The following PCDHGA7 variants were observed in gnomAD, a reference collection of about 807,000 sequenced individuals.
PCDHGA7 encodes protocadherin gamma subfamily A, 7, also known as protocadherin gamma-A7.
A neutral mutation model predicts 58.3 loss-of-function variants in PCDHGA7; 44 were observed. The observed-to-expected ratio is 0.75, with a 90% CI of 0.59 to 0.97. The LOEUF is 0.97. Among genes scored for constraint, PCDHGA7 ranks in the 50% least tolerant of loss-of-function variants. The pLI, the probability that PCDHGA7 is intolerant of heterozygous loss-of-function variation, is 0.00. For synonymous variants in PCDHGA7, 516 were observed against 504.2 expected, an observed-to-expected ratio of 1.02 and a Z score of -0.31; for missense variants, 1,266 against 1,188.7, an observed-to-expected ratio of 1.06 and a Z score of -0.96.
rs1300601208 is a variant in PCDHGA7 at position 141,499,206 on chromosome 5, AC to A, written c.2483+4344del. On this transcript the variant is annotated intron_variant, in intron 2 of 3. Transcript: ENST00000518325. ...ACCATTTCCCCCTTCTTAGGCTGTA[AC>A]CCAGGCCCTGCCCTGCAGCTGTCCC... Among the ~76,000 whole-genome samples the A allele has an allele frequency of 3.3e-5, 5 of 152,062 alleles. No homozygotes were observed. In the East Asian group the frequency reaches 7.7e-4, roughly 24 times the overall value.
chr5:141,499,138 G>A (rs765607930), intron 2 of PCDHGA7, among the ~76,000 whole-genome samples: 12 of 152,144 alleles, frequency 7.9e-5, no homozygotes, highest in Non-Finnish European at 1.5e-4. Flanking sequence ...TCCTTTGGGT[G>A]TCTGATCCCA....
intron 1 of PCDHGA7, among the ~76,000 whole-genome samples, chr5:141,468,963 C>G (rs951670777): frequency 1.3e-5 from 2 of 150,940 alleles, no homozygotes; most frequent in Admixed American, 6.6e-5. Context: ...TTTTTTTTAC[C>G]TTAGGCTTTT....
chr5:141,479,342 G>A (rs926832955), intron 1 of PCDHGA7: 1 of 152,486 alleles, frequency 6.6e-6, no homozygotes, highest in Admixed American at 6.5e-5. Flanking sequence ...TGCACCTGTA[G>A]TTCTTGCTGC....
chr5:141,474,417 C>A (rs1321402346), intron 1 of PCDHGA7, among the ~76,000 whole-genome samples: 1 of 152,222 alleles, frequency 6.6e-6, no homozygotes, highest in African/African-American at 2.4e-5. Context: ...GATGCCTAGA[C>A]CATTGGTCCT....
chr5:141,482,245 G>A (rs72790067), intron 1 of PCDHGA7, among the ~76,000 whole-genome samples: 74 of 152,252 alleles, frequency 4.9e-4, no homozygotes, highest in Non-Finnish European at 7.9e-4. Flanking sequence ...TATAAGTATA[G>A]TACTGTACAT....
chr5:141,490,715 C>G lies in PCDHGA7; in HGVS notation c.2425-4092C>G, dbSNP rs757619272. The stretch of plus-strand genomic sequence containing the variant: ...GGGGATAATGCCCGCCTCACCTACT[C>G]CATTGTAGGAAATCAGGTTCAGGGA... On this transcript the variant is annotated intron_variant, in intron 1 of 3. Coordinates refer to ENST00000518325, the MANE Select transcript of PCDHGA7 (RefSeq NM_018920.4). This position sits in a 1 kb window ranked among gnomAD's most constrained non-coding sequence, Gnocchi z 5.4. 14 of 1,614,130 alleles carry G rather than the reference C, an allele frequency of 8.7e-6. No individual in the cohort carries two copies. Among genetic ancestry groups the G allele is most frequent in the Non-Finnish European group, 1.1e-5 (13 of 1,179,978 alleles).
chr5:141,492,220 C>T (rs1388948434), intron 1 of PCDHGA7, among the ~76,000 whole-genome samples: 2 of 152,190 alleles, frequency 1.3e-5, no homozygotes, highest in Non-Finnish European at 1.5e-5. Context: ...GGGGCTCATG[C>T]GTGTCCTCCC....
chr5:141,505,577 G>A lies in PCDHGA7; in HGVS notation c.2572+96G>A, dbSNP rs537948666. 8.2e-6 allele frequency: 13 copies of A among 1,589,854 alleles called. No homozygotes were observed. The African/African-American group carries it at 1.1e-4, about 13-fold the overall frequency. Reference sequence around the variant, plus strand: ...TGCCCACGGACTGGATGTCAAACCTGTGTAGTTTCTCCAGATCTTTCGGCA... The same window carrying A: ...TGCCCACGGACTGGATGTCAAACCTATGTAGTTTCTCCAGATCTTTCGGCA... On this transcript the variant is annotated intron_variant, in intron 3 of 3. Coordinates refer to ENST00000518325, the MANE Select transcript of PCDHGA7 (RefSeq NM_018920.4).
intron 1 of PCDHGA7, among the ~76,000 whole-genome samples, chr5:141,444,150 GGAT>G (rs2098419400): frequency 8.8e-6 from 1 of 114,014 alleles, no homozygotes; most frequent in African/African-American, 3.4e-5. Context: ...TGTGTGTACT[GGAT>G]TTTTTTTTTT....
intron 1 of PCDHGA7, among the ~76,000 whole-genome samples, chr5:141,446,453 A>T (rs2098502702): frequency 6.6e-6 from 1 of 151,946 alleles, no homozygotes; most frequent in Non-Finnish European, 1.5e-5. Context: ...GCAGATATTC[A>T]GTGTGTGATT....
intron 1 of PCDHGA7, among the ~76,000 whole-genome samples, chr5:141,470,360 T>G (rs1554150725): frequency 6.6e-6 from 1 of 152,142 alleles, no homozygotes; most frequent in Non-Finnish European, 1.5e-5. Context: ...ATAGACACAT[T>G]AGGTTGAATG....
intron 1 of PCDHGA7, among the ~76,000 whole-genome samples, chr5:141,443,297 A>G (rs1208893030): frequency 6.7e-6 from 1 of 148,196 alleles, no homozygotes; most frequent in East Asian, 2.0e-4. Context: ...CCTGGACAGC[A>G]TGGCAAAAAC....
At chr5:141,410,804 T>A in intron 1 of PCDHGA7, 1 of 674,100 alleles carries the variant, frequency 1.5e-6, no homozygotes, top group Non-Finnish European at 2.3e-6. Flanking sequence ...TTGCTCTATC[T>A]TTTTGTAAAA....
chr5:141,399,721 G>C, intron 1 of PCDHGA7: 1 of 1,613,292 alleles, frequency 6.2e-7, no homozygotes, highest in Non-Finnish European at 8.5e-7. Flanking sequence ...ACAGGCCCGC[G>C]ACCAGGGCTC....
intron 1 of PCDHGA7, chr5:141,399,349 C>T (rs1467940246): frequency 6.2e-7 from 1 of 1,613,932 alleles, no homozygotes; most frequent in East Asian, 2.2e-5. Context: ...AACCCTAGAC[C>T]GAGAGCAAAC....
chr5:141,456,698 C>T (rs1466672057), intron 1 of PCDHGA7, among the ~76,000 whole-genome samples: 1 of 152,132 alleles, frequency 6.6e-6, no homozygotes, highest in Non-Finnish European at 1.5e-5. Flanking sequence ...GGCGTGGTGG[C>T]TCGCGCCTGT....
rs1057107770 is a variant in PCDHGA7 at position 141,387,795 on chromosome 5, T to C, written c.2424+2472T>C. 28 of 1,499,168 alleles carry C rather than the reference T, an allele frequency of 1.9e-5. No homozygotes were observed. In the African/African-American group the frequency reaches 2.5e-4, roughly 13 times the overall value. The allele number at this position is 1,499,168 out of a possible 1,614,324, so 92.9% of individuals were successfully genotyped here. A position where few individuals can be genotyped will look rare whatever the true frequency, so the allele number is the denominator to read the frequency against. On this transcript the variant is annotated intron_variant, in intron 1 of 3. Transcript: ENST00000518325. ...TCTTGAACTGGAACTGCAACTAAAG[T>C]CCGTTCGGAGATCCAAAAATCTGCA... is the stretch of plus-strand genomic sequence containing the variant.
chr5:141,477,180 C>T lies in PCDHGA7; in HGVS notation c.2425-17627C>T. On this transcript the variant is annotated intron_variant, in intron 1 of 3. Coordinates refer to ENST00000518325, the MANE Select transcript of PCDHGA7 (RefSeq NM_018920.4). This position sits in a 1 kb window ranked among gnomAD's most constrained non-coding sequence, Gnocchi z 4.9. ...GACAACGCCCCGGAGATCACAGTCA[C>T]CTCCGTGTACAGCCCAGTACCCGAG... 1 of 1,614,196 alleles carries T rather than the reference C, an allele frequency of 6.2e-7. No homozygotes were observed. The highest frequency in any genetic ancestry group is 8.5e-7 in the Non-Finnish European group (1 of 1,180,032).
chr5:141,398,576 C>T (rs1257000620), intron 1 of PCDHGA7: 4 of 1,613,968 alleles, frequency 2.5e-6, no homozygotes, highest in Non-Finnish European at 1.7e-6. Flanking sequence ...CAGCCTGGCA[C>T]AAGATTTATA....
Sources: gnomAD v4.1 joint callset for allele counts (sites outside exome capture counted in the v4.1 genomes callset) on GRCh38, gnomAD v4.1.1 for gene constraint, Gnocchi (gnomAD v3.1) non-coding constraint, MANE v1.5 for transcripts, NCBI Gene and HGNC (gene_info 2026-07-23, HGNC 2026-07-21) for gene names.